The following LRIF1 variants were observed in gnomAD, a reference collection of about 807,000 sequenced individuals.
LRIF1 encodes ligand-dependent nuclear receptor-interacting factor 1.
A neutral mutation model predicts 52.7 loss-of-function variants in LRIF1; 32 were observed. That is an observed-to-expected ratio of 0.61 (90% CI 0.46 to 0.82). The LOEUF (loss-of-function observed/expected upper bound fraction) is 0.82. Among genes scored for constraint, LRIF1 ranks in the 40% least tolerant of loss-of-function variants. The probability of loss-of-function intolerance (pLI) is 0.00; values close to 1 mark genes in which losing one functional copy is unlikely to be tolerated. For missense variants in LRIF1, 887 were observed against 892.0 expected (o/e 0.99, Z 0.07); for synonymous variants, 323 against 317.4 (o/e 1.02, Z -0.19).
the LRIF1 span, among the ~76,000 whole-genome samples, chr1:110,875,795 T>A: frequency 1.3e-5 from 2 of 152,132 alleles, no homozygotes; most frequent in Non-Finnish European, 2.9e-5. Flanking sequence ...GGAGGTTGGG[T>A]GGTCAGTTTG....
chr1:110,890,907 C>T, the LRIF1 span, among the ~76,000 whole-genome samples: 8 of 152,322 alleles, frequency 5.3e-5, 1 homozygote, highest in Middle Eastern at 6.8e-3. Flanking sequence ...ATATGTTCCC[C>T]CTACTTTCAT....
intron 1 of LRIF1, among the ~76,000 whole-genome samples, chr1:110,954,334 G>A (rs1658605372): frequency 6.6e-6 from 1 of 152,120 alleles, no homozygotes. Flanking sequence ...AGACTGGAGT[G>A]TAGGTGTACA....
chr1:110,934,826 A>T, the LRIF1 span, among the ~76,000 whole-genome samples: 1 of 152,138 alleles, frequency 6.6e-6, no homozygotes, highest in Non-Finnish European at 1.5e-5. Flanking sequence ...CTGATTGTAG[A>T]GTCCCAGGGC....
the LRIF1 span, among the ~76,000 whole-genome samples, chr1:110,933,282 A>G: frequency 2.0e-5 from 3 of 152,230 alleles, no homozygotes; most frequent in Non-Finnish European, 1.5e-5. Flanking sequence ...AAGATGGCAG[A>G]ATAGACGGCT....
chr1:110,953,983 T>G (rs1445694832), intron 1 of LRIF1, among the ~76,000 whole-genome samples: 2 of 152,204 alleles, frequency 1.3e-5, no homozygotes, highest in Admixed American at 6.5e-5. Flanking sequence ...TCATATTATA[T>G]TCTACCAATA....
the LRIF1 span, among the ~76,000 whole-genome samples, chr1:110,905,195 AAG>A: frequency 6.6e-5 from 10 of 152,312 alleles, no homozygotes; most frequent in East Asian, 1.2e-3. Context: ...GAGGTAGAGA[AAG>A]AGATAGAAGT....
chr1:110,904,054 G>C, the LRIF1 span, among the ~76,000 whole-genome samples: 1 of 152,220 alleles, frequency 6.6e-6, no homozygotes, highest in Non-Finnish European at 1.5e-5. Context: ...TTGGAAAGGG[G>C]AGGGAAGAGT....
In LRIF1 at chr1:110,963,831, G is replaced by A; in HGVS notation, c.-143C>T. On this transcript the variant is annotated 5_prime_UTR_variant, in exon 1 of 4. Transcript: ENST00000369763. ...GTGAGGGGTTCGACCTTAACGGAGGGCGACAGCGGGCTCTCGAGAGGGTGT... is the reference window on the plus strand; with the variant it reads ...GTGAGGGGTTCGACCTTAACGGAGGACGACAGCGGGCTCTCGAGAGGGTGT... The A allele has an allele frequency of 1.7e-6, 1 of 584,806 alleles. No homozygotes were observed. The highest frequency in any genetic ancestry group is 2.7e-5 in the Admixed American group (1 of 36,702). 36.2% of individuals were successfully genotyped at this position (584,806 alleles called of 1,614,324 possible).
At chr1:110,958,572 A>G in intron 1 of LRIF1, among the ~76,000 whole-genome samples, 1 of 152,104 alleles carries the variant, frequency 6.6e-6, no homozygotes, top group East Asian at 1.9e-4. Context: ...TGATGTCTAT[A>G]TTTCTGCTTT....
the LRIF1 span, chr1:110,892,468 A>G: frequency 6.2e-7 from 1 of 1,614,016 alleles, no homozygotes; most frequent in Non-Finnish European, 8.5e-7. Context: ...GGGCTCTATT[A>G]TCATGGTAGT....
At chr1:110,927,725 C>T in the LRIF1 span, among the ~76,000 whole-genome samples, 6 of 152,130 alleles carry the variant, frequency 3.9e-5, no homozygotes, top group African/African-American at 1.4e-4. Context: ...ACAGTAGTGT[C>T]TCTTGCAGCC....
At chr1:110,893,393 G>A in the LRIF1 span, among the ~76,000 whole-genome samples, 2 of 152,174 alleles carry the variant, frequency 1.3e-5, no homozygotes, top group Non-Finnish European at 1.5e-5. Flanking sequence ...CATGATCTCA[G>A]CTCACCACAG....
At chr1:110,946,951 C>A (rs1658223973), downstream of LRIF1, among the ~76,000 whole-genome samples, 1 of 152,002 alleles carries the variant, frequency 6.6e-6, no homozygotes, top group Non-Finnish European at 1.5e-5. Context: ...GCCACTGCAC[C>A]CGGCCTGATC....
At chr1:110,954,294 C>G (rs982720847) in intron 1 of LRIF1, among the ~76,000 whole-genome samples, 2 of 152,016 alleles carry the variant, frequency 1.3e-5, no homozygotes, top group African/African-American at 2.4e-5. Flanking sequence ...GTTATTGTTG[C>G]TGTTGAGACA....
chr1:110,902,495 TAA>T, the LRIF1 span, among the ~76,000 whole-genome samples: 803 of 72,518 alleles, frequency 0.011, 1 homozygote, highest in Middle Eastern at 0.062. Flanking sequence ...AATCAATCAC[TAA>T]AAAAAAAAAA....
the LRIF1 span, chr1:110,899,131 G>C: frequency 6.2e-7 from 1 of 1,613,576 alleles, no homozygotes; most frequent in African/African-American, 1.3e-5. Context: ...CAGGTGTTGG[G>C]GATGTCCTTT....
chr1:110,927,831 G>A, the LRIF1 span, among the ~76,000 whole-genome samples: 1 of 152,052 alleles, frequency 6.6e-6, no homozygotes, highest in Non-Finnish European at 1.5e-5. Context: ...GGTAGAAATA[G>A]TTTTCTTAAA....
the LRIF1 span, among the ~76,000 whole-genome samples, chr1:110,884,478 T>A: frequency 6.6e-6 from 1 of 152,130 alleles, no homozygotes; most frequent in African/African-American, 2.4e-5. Context: ...AATCAGTTAG[T>A]TTAAGTTGAC....
At chr1:110,923,793 A>G in the LRIF1 span, among the ~76,000 whole-genome samples, 1 of 152,188 alleles carries the variant, frequency 6.6e-6, no homozygotes, top group Non-Finnish European at 1.5e-5. Context: ...GAGAAAAAAG[A>G]GTGAATATTA....
Sources: gnomAD v4.1 joint callset for allele counts (sites outside exome capture counted in the v4.1 genomes callset) on GRCh38, gnomAD v4.1.1 for gene constraint, MANE v1.5 for transcripts, NCBI Gene and HGNC (gene_info 2026-07-23, HGNC 2026-07-21) for gene names.